Variants in CCBE1 observed in about 807,000 individuals in gnomAD.
CCBE1 encodes collagen and calcium-binding EGF domain-containing protein 1.
In CCBE1, 37 loss-of-function variants were observed where a neutral mutation model predicts 50.0. The observed-to-expected ratio is 0.74, with a 90% CI of 0.57 to 0.97. The LOEUF (loss-of-function observed/expected upper bound fraction) is 0.97. Ranked by LOEUF, CCBE1 falls within the 50% of genes least tolerant of loss-of-function variation. The pLI, the probability that CCBE1 is intolerant of heterozygous loss-of-function variation, is 0.00. For synonymous variants in CCBE1, 234 were observed against 203.7 expected, an observed-to-expected ratio of 1.15 and a Z score of -1.27; for missense variants, 538 against 523.8, an observed-to-expected ratio of 1.03 and a Z score of -0.26.
chr18:59,674,812 C>T (rs777590847), intron 2 of CCBE1, among the ~76,000 whole-genome samples: 1 of 152,092 alleles, frequency 6.6e-6, no homozygotes, highest in Non-Finnish European at 1.5e-5. Context: ...TATAACTGCT[C>T]TCATAGGGAA....
At chr18:59,485,523 T>C (rs1390165925) in intron 2 of CCBE1, among the ~76,000 whole-genome samples, 1 of 151,962 alleles carries the variant, frequency 6.6e-6, no homozygotes, top group Non-Finnish European at 1.5e-5. Context: ...GGGTACATTT[T>C]TCTATTATTT....
rs8099821 is a variant in CCBE1, at chr18:59,527,848, G to A, written c.213-47610C>T. Among the ~76,000 whole-genome samples the A allele has an allele frequency of 4.0e-3, 615 of 152,254 alleles. 11 individuals are homozygous for A. Among genetic ancestry groups the A allele is most frequent in the African/African-American group, 0.012 (516 of 41,534 alleles). ...TTGTAGGGTTTCTGCTGAGAGATCC[G>A]CTGTTACTCTGATGGGCTTCTCCTG... On this transcript the variant is annotated intron_variant, in intron 2 of 10. Coordinates refer to ENST00000439986, the MANE Select transcript of CCBE1 (RefSeq NM_133459.4).
intron 2 of CCBE1, among the ~76,000 whole-genome samples, chr18:59,555,392 C>T (rs1182602997): frequency 1.3e-5 from 2 of 152,124 alleles, no homozygotes; most frequent in African/African-American, 4.8e-5. Context: ...CTGTCTCTTC[C>T]AGTTGTGTTT....
intron 2 of CCBE1, among the ~76,000 whole-genome samples, chr18:59,605,690 T>C (rs2053488739): frequency 6.6e-6 from 1 of 151,798 alleles, no homozygotes; most frequent in Non-Finnish European, 1.5e-5. Flanking sequence ...TTGCAGGGAC[T>C]CTGCCTCTCA....
chr18:59,445,197 T>C (rs566181891), intron 7 of CCBE1, among the ~76,000 whole-genome samples: 65 of 152,310 alleles, frequency 4.3e-4, no homozygotes, highest in African/African-American at 1.5e-3. Context: ...CTTTAATCCA[T>C]TTTGAGTTAA....
rs182528208 is a variant in CCBE1 at position 59,482,884 on chromosome 18, G to A, written c.213-2646C>T. On this transcript the variant is annotated intron_variant, in intron 2 of 10. Transcript: ENST00000439986. ...TTTTGACTATAAAGGTTAAATTACC[G>A]TTTTTAAGAAGTATTTTTTTTTGTA... Among the ~76,000 whole-genome samples, 10 of 151,604 alleles carry A rather than the reference G, an allele frequency of 6.6e-5. No homozygotes were observed. The East Asian group carries it at 1.5e-3, about 23-fold the overall frequency.
At chr18:59,524,237 T>G (rs1461549586) in intron 2 of CCBE1, among the ~76,000 whole-genome samples, 3 of 152,134 alleles carry the variant, frequency 2.0e-5, no homozygotes, top group Non-Finnish European at 2.9e-5. Flanking sequence ...GGAGAATCGC[T>G]TGAACCTAGG....
chr18:59,542,766 C>T, intron 2 of CCBE1, among the ~76,000 whole-genome samples: 1 of 152,174 alleles, frequency 6.6e-6, no homozygotes, highest in Admixed American at 6.5e-5. Context: ...CCTTTCCTCC[C>T]CGCAGGCAGT....
chr18:59,621,894 A>G (rs754383103), intron 2 of CCBE1, among the ~76,000 whole-genome samples: 14 of 152,210 alleles, frequency 9.2e-5, no homozygotes, highest in Admixed American at 5.9e-4. Context: ...TGACAACAGT[A>G]GGCAACATAC....
chr18:59,548,117 A>C (rs539364926), intron 2 of CCBE1, among the ~76,000 whole-genome samples: 1 of 152,312 alleles, frequency 6.6e-6, no homozygotes, highest in South Asian at 2.1e-4. Flanking sequence ...AGAGAGACCA[A>C]GAGTTTATCC....
intron 2 of CCBE1, among the ~76,000 whole-genome samples, chr18:59,505,505 T>TA (rs1245679600): frequency 6.6e-6 from 1 of 152,156 alleles, no homozygotes; most frequent in East Asian, 1.9e-4. Flanking sequence ...CCCCAGAATG[T>TA]AAAAAATAGA....
At chr18:59,697,014 G>A (rs2054816455) in intron 1 of CCBE1, among the ~76,000 whole-genome samples, 198 bp downstream of exon 1, 1 of 152,230 alleles carries the variant, frequency 6.6e-6, no homozygotes, top group Non-Finnish European at 1.5e-5. Flanking sequence ...GCGACCCACG[G>A]ATGGCAGGGC....
At chr18:59,648,285 G>T (rs1399024793) in intron 2 of CCBE1, among the ~76,000 whole-genome samples, 2 of 152,220 alleles carry the variant, frequency 1.3e-5, no homozygotes, top group Non-Finnish European at 2.9e-5. Flanking sequence ...GAGCCAGCCA[G>T]AGCTGCTAGT....
At chr18:59,598,485 C>T (rs2144553747) in intron 2 of CCBE1, among the ~76,000 whole-genome samples, 1 of 152,296 alleles carries the variant, frequency 6.6e-6, no homozygotes, top group East Asian at 1.9e-4. Flanking sequence ...CCCAGAATGC[C>T]AGGTTTGAGG....
chr18:59,539,216 A>C (rs377584694), intron 2 of CCBE1, among the ~76,000 whole-genome samples: 63 of 151,962 alleles, frequency 4.1e-4, no homozygotes, highest in Admixed American at 8.5e-4. Flanking sequence ...ACAAAAAAAA[A>C]CAGCAAGAAA....
At chr18:59,530,200 C>A (rs1914994075) in intron 2 of CCBE1, among the ~76,000 whole-genome samples, 1 of 152,004 alleles carries the variant, frequency 6.6e-6, no homozygotes, top group Admixed American at 6.6e-5. Flanking sequence ...AGAAGAGGCA[C>A]CAGGTGGCCA....
intron 2 of CCBE1, among the ~76,000 whole-genome samples, chr18:59,626,967 G>T (rs2163106): frequency 0.19 from 28,670 of 152,164 alleles, 3,915 homozygotes; most frequent in African/African-American, 0.39. Flanking sequence ...TGTGCCCATG[G>T]TCTTGGGATT....
At chr18:59,466,940 C>T (rs1911780386) in intron 4 of CCBE1, 49 bp from the exon 5 acceptor site, 1 of 1,506,558 alleles carries the variant, frequency 6.6e-7, no homozygotes, top group East Asian at 2.3e-5. Context: ...GAATTCACTT[C>T]TAATACAACA....
chr18:59,475,341 C>T (rs1038455989), intron 3 of CCBE1, among the ~76,000 whole-genome samples: 3 of 152,202 alleles, frequency 2.0e-5, no homozygotes, highest in Non-Finnish European at 2.9e-5. Context: ...ACCTTTACAA[C>T]TTGCTACTAA....
Sources: gnomAD v4.1 joint callset for allele counts (sites outside exome capture counted in the v4.1 genomes callset) on GRCh38, gnomAD v4.1.1 for gene constraint, MANE v1.5 for transcripts, NCBI Gene and HGNC (gene_info 2026-07-23, HGNC 2026-07-21) for gene names.